Variants in CDH12 observed in about 807,000 individuals in gnomAD.
CDH12 encodes cadherin-12.
In CDH12, 41 loss-of-function variants were observed where a neutral mutation model predicts 74.1. The ratio of observed to expected loss-of-function variants is 0.55; its 90% CI spans 0.43 to 0.72. CDH12 has a LOEUF of 0.72. CDH12 is among the 30% of genes least tolerant of loss of function. The pLI, the probability that CDH12 is intolerant of heterozygous loss-of-function variation, is 0.00. For missense variants in CDH12, 945 were observed against 977.2 expected (o/e 0.97, Z 0.44); for synonymous variants, 399 against 355.0 (o/e 1.12, Z -1.39).
intron 2 of CDH12, among the ~76,000 whole-genome samples, chr5:22,421,045 C>A (rs1241165279): frequency 6.6e-6 from 1 of 152,078 alleles, no homozygotes; most frequent in Admixed American, 6.5e-5. Flanking sequence ...ATTTTGAATT[C>A]TGAGACTTTG....
intron 1 of CDH12, among the ~76,000 whole-genome samples, chr5:22,641,073 C>A (rs950178224): frequency 6.6e-6 from 1 of 152,108 alleles, no homozygotes; most frequent in Non-Finnish European, 1.5e-5. Context: ...TAGACACATA[C>A]GTACATACAT....
At chr5:22,442,505 T>C (rs1744665726) in intron 2 of CDH12, among the ~76,000 whole-genome samples, 1 of 152,200 alleles carries the variant, frequency 6.6e-6, no homozygotes, top group Admixed American at 6.5e-5. Context: ...TTTATGTTTT[T>C]ACATTTTTGA....
chr5:22,426,091 G>T (rs959162408), intron 2 of CDH12, among the ~76,000 whole-genome samples: 1 of 151,404 alleles, frequency 6.6e-6, no homozygotes, highest in Admixed American at 6.6e-5. Flanking sequence ...GGAGGCTGAC[G>T]CAGGAGAATT....
At chr5:21,916,268 C>T (rs1179379480) in intron 6 of CDH12, among the ~76,000 whole-genome samples, 14 of 152,038 alleles carry the variant, frequency 9.2e-5, no homozygotes, top group Non-Finnish European at 1.8e-4. Flanking sequence ...ATAAACTTGG[C>T]AATTAGTGTT....
At chr5:22,035,243 T>C (rs1739089291) in intron 5 of CDH12, among the ~76,000 whole-genome samples, 1 of 152,146 alleles carries the variant, frequency 6.6e-6, no homozygotes, top group Non-Finnish European at 1.5e-5. Context: ...TGTGTTCTTC[T>C]TTGGCACACA....
chr5:22,519,533 C>A (rs570920011), intron 1 of CDH12, among the ~76,000 whole-genome samples: 15 of 151,600 alleles, frequency 9.9e-5, no homozygotes, highest in Admixed American at 7.9e-4. Flanking sequence ...ATGCCATTCT[C>A]CTGCCTCAGC....
chr5:22,580,467 G>A (rs2652197), intron 1 of CDH12: 150,520 of 504,898 alleles, frequency 0.3, 23,585 homozygotes, highest in South Asian at 0.35. Flanking sequence ...GACTGCATGC[G>A]TGTCAGACAA....
intron 3 of CDH12, among the ~76,000 whole-genome samples, chr5:22,403,199 T>G (rs1409072491): frequency 1.3e-5 from 2 of 152,152 alleles, no homozygotes; most frequent in Non-Finnish European, 2.9e-5. Flanking sequence ...AGAGAATGAT[T>G]TTCTGTTGTT....
chr5:22,539,590 A>C (rs745388722), intron 1 of CDH12, among the ~76,000 whole-genome samples: 27 of 152,174 alleles, frequency 1.8e-4, no homozygotes, highest in Non-Finnish European at 3.2e-4. Flanking sequence ...ATTATATGAA[A>C]ATGCATGTCA....
chr5:22,245,959 C>T (rs1330587401), intron 3 of CDH12, among the ~76,000 whole-genome samples: 1 of 152,108 alleles, frequency 6.6e-6, no homozygotes, highest in East Asian at 1.9e-4. Context: ...CAACTTCCCT[C>T]TGGTGCCAGA....
intron 1 of CDH12, among the ~76,000 whole-genome samples, chr5:22,650,139 C>T (rs564090636): frequency 1.3e-5 from 2 of 151,886 alleles, no homozygotes; most frequent in South Asian, 4.2e-4. Flanking sequence ...GATACATATG[C>T]CTATATAACA....
At chr5:22,004,129 C>T (rs947108560) in intron 5 of CDH12, among the ~76,000 whole-genome samples, 1 of 152,128 alleles carries the variant, frequency 6.6e-6, no homozygotes, top group African/African-American at 2.4e-5. Flanking sequence ...CGCATTAAAC[C>T]TCAGTCCATT....
chr5:22,317,639 T>G (rs903670673), intron 3 of CDH12, among the ~76,000 whole-genome samples: 1 of 152,184 alleles, frequency 6.6e-6, no homozygotes, highest in Non-Finnish European at 1.5e-5. Context: ...TGACAAGTTC[T>G]ATATACATAT....
chr5:22,847,123 G>A (rs1737342132), intron 1 of CDH12, among the ~76,000 whole-genome samples: 1 of 152,048 alleles, frequency 6.6e-6, no homozygotes, highest in African/African-American at 2.4e-5. Flanking sequence ...AGGTGTTAAA[G>A]CACAAATCCT....
chr5:21,833,087 TAAA>T (rs1749198026), intron 8 of CDH12, among the ~76,000 whole-genome samples: 1 of 47,094 alleles, frequency 2.1e-5, no homozygotes, highest in Non-Finnish European at 3.9e-5. Flanking sequence ...TATTATATTA[TAAA>T]TATATATTAT....
chr5:21,947,344 G>A (rs1010352771), intron 6 of CDH12, among the ~76,000 whole-genome samples: 26 of 152,150 alleles, frequency 1.7e-4, no homozygotes, highest in Non-Finnish European at 3.1e-4. Context: ...AGGAAGTTGT[G>A]AGAAAGTTTG....
chr5:22,313,860 G>A (rs1326043260), intron 3 of CDH12, among the ~76,000 whole-genome samples: 1 of 152,026 alleles, frequency 6.6e-6, no homozygotes, highest in Non-Finnish European at 1.5e-5. Context: ...CTACGCATTA[G>A]GTACAATGCA....
At chr5:22,064,124 T>C (rs1018861007) in intron 5 of CDH12, among the ~76,000 whole-genome samples, 1 of 152,086 alleles carries the variant, frequency 6.6e-6, no homozygotes. Context: ...TCCTTCTGTA[T>C]TGGTGGGTGA....
At chr5:22,843,527 C>A (rs1050947746) in intron 1 of CDH12, among the ~76,000 whole-genome samples, 31 of 151,932 alleles carry the variant, frequency 2.0e-4, no homozygotes, top group Admixed American at 1.9e-3. Flanking sequence ...TAGGAAGGAT[C>A]AATGCCAAAA....
Sources: gnomAD v4.1 joint callset for allele counts (sites outside exome capture counted in the v4.1 genomes callset) on GRCh38, gnomAD v4.1.1 for gene constraint, MANE v1.5 for transcripts, NCBI Gene and HGNC (gene_info 2026-07-23, HGNC 2026-07-21) for gene names.